Variants in PTPRM observed in about 807,000 individuals in gnomAD.
The protein encoded by PTPRM is receptor-type tyrosine-protein phosphatase mu.
Under a neutral mutation model 186.7 loss-of-function variants are expected in PTPRM, and 47 were observed. That is an observed-to-expected ratio of 0.25 (90% CI 0.20 to 0.32). The LOEUF (loss-of-function observed/expected upper bound fraction) is 0.32. PTPRM is among the 10% of genes least tolerant of loss of function. PTPRM has a pLI of 1.00. For missense variants in PTPRM, 1,494 were observed against 1,865.0 expected, an observed-to-expected ratio of 0.80 and a Z score of 3.66; for synonymous variants, 668 against 674.9, an observed-to-expected ratio of 0.99 and a Z score of 0.16.
chr18:8,259,901 C>T (rs2094610910), intron 19 of PTPRM, among the ~76,000 whole-genome samples: 1 of 152,136 alleles, frequency 6.6e-6, no homozygotes, highest in Non-Finnish European at 1.5e-5. Context: ...CTTGGCCTCC[C>T]AAAGTGTTGG....
intron 14 of PTPRM, among the ~76,000 whole-genome samples, chr18:8,219,096 C>T (rs2094123512): frequency 6.6e-6 from 1 of 152,214 alleles, no homozygotes; most frequent in African/African-American, 2.4e-5. Context: ...AAGTTCTAAT[C>T]TCCTGATGCT....
At chr18:8,182,570 T>C (rs1028562261) in intron 14 of PTPRM, among the ~76,000 whole-genome samples, 6 of 152,234 alleles carry the variant, frequency 3.9e-5, no homozygotes, top group Non-Finnish European at 8.8e-5. Context: ...TTTTCAGATA[T>C]ATAGATGTCT....
rs900013141 is a variant in PTPRM, at chr18:7,714,060, G to C, written c.74-60089G>C. ...ACAGAACTGTCCCCCCAAATCAACA[G>C]AATACACATTCTTCTCAGCACCACG... On this transcript the variant is annotated intron_variant, in intron 1 of 32. Transcript: ENST00000580170. Among the ~76,000 whole-genome samples, 67 of 152,268 alleles carry C rather than the reference G, an allele frequency of 4.4e-4. 1 individual carries two copies. Among genetic ancestry groups the C allele is most frequent in the African/African-American group, 1.5e-3 (64 of 41,554 alleles).
chr18:8,067,131 A>G (rs1456012114), intron 7 of PTPRM, among the ~76,000 whole-genome samples: 1 of 152,234 alleles, frequency 6.6e-6, no homozygotes, highest in African/African-American at 2.4e-5. Flanking sequence ...TAGTCATTTT[A>G]TTAGTCAGTA....
chr18:8,034,247 G>A (rs1033682082), intron 7 of PTPRM, among the ~76,000 whole-genome samples: 10 of 151,832 alleles, frequency 6.6e-5, no homozygotes, highest in African/African-American at 2.4e-4. Flanking sequence ...CCAAAACATG[G>A]TCCTCCAGCC....
At position 8,379,350 on chromosome 18, in the gene PTPRM, C is replaced by T. The variant is rs940524156; in HGVS notation, c.3786+10C>T. ...TGCTGCCCTCATGGACGTGAGTGCC[C>T]CGCTTCCCGCACGGGTCCGAGGCTG... On this transcript the variant is annotated intron_variant, in intron 28 of 32. Coordinates refer to ENST00000580170, the MANE Select transcript of PTPRM (RefSeq NM_001105244.2). 6.3e-7 allele frequency: 1 copy of T among 1,598,788 alleles called. No individual in the cohort carries two copies. The highest frequency in any genetic ancestry group is 1.3e-5 in the African/African-American group (1 of 74,678).
At chr18:7,750,614 A>C (rs1453244505) in intron 1 of PTPRM, among the ~76,000 whole-genome samples, 1 of 152,216 alleles carries the variant, frequency 6.6e-6, no homozygotes, top group Middle Eastern at 3.4e-3. Flanking sequence ...TACCTCTCTC[A>C]TGCCATGCCC....
chr18:7,698,928 G>T (rs2039899090), intron 1 of PTPRM, among the ~76,000 whole-genome samples: 1 of 152,084 alleles, frequency 6.6e-6, no homozygotes, highest in African/African-American at 2.4e-5. Context: ...TCATTGAATA[G>T]CCTATCCTTT....
rs749280061 is a variant in PTPRM, at chr18:8,406,188, C to T, written c.*26C>T. ...TGGTGTAAACAGCTCTGCAAACAAT[C>T]CCTTTCATACCACAAAGCCAAGACG... is the stretch of plus-strand genomic sequence containing the variant. On this transcript the variant is annotated 3_prime_UTR_variant, in exon 33 of 33. Transcript: ENST00000580170. 132 of 1,602,432 alleles carry T rather than the reference C, an allele frequency of 8.2e-5. No individual in the cohort carries two copies. The highest frequency in any genetic ancestry group is 1.1e-4 in the Non-Finnish European group (127 of 1,170,692).
At chr18:8,164,922 T>G (rs578001138) in intron 14 of PTPRM, among the ~76,000 whole-genome samples, 1 of 152,158 alleles carries the variant, frequency 6.6e-6, no homozygotes, top group Non-Finnish European at 1.5e-5. Flanking sequence ...CCCAGCACTT[T>G]GGGAGGCCAA....
intron 14 of PTPRM, among the ~76,000 whole-genome samples, chr18:8,145,017 G>A (rs995932410): frequency 2.6e-5 from 4 of 152,178 alleles, no homozygotes; most frequent in Non-Finnish European, 5.9e-5. Flanking sequence ...TGGCCTTTGA[G>A]TAGGTGGTAA....
chr18:7,750,639 C>G (rs879766745), intron 1 of PTPRM, among the ~76,000 whole-genome samples: 1 of 152,176 alleles, frequency 6.6e-6, no homozygotes, highest in Non-Finnish European at 1.5e-5. Context: ...CTTATCCTCC[C>G]CACCTGTTGG....
At chr18:8,291,158 T>C (rs2147841148) in intron 19 of PTPRM, among the ~76,000 whole-genome samples, 1 of 152,294 alleles carries the variant, frequency 6.6e-6, no homozygotes, top group Non-Finnish European at 1.5e-5. Flanking sequence ...TCATTGGGCC[T>C]CTTGTTCAAA....
At chr18:8,351,358 C>T (rs1435419083) in intron 23 of PTPRM, among the ~76,000 whole-genome samples, 1 of 152,188 alleles carries the variant, frequency 6.6e-6, no homozygotes, top group East Asian at 1.9e-4. Context: ...GCCCCAGATT[C>T]GTCATCTGTT....
At chr18:8,221,381 G>A (rs1479407771) in intron 14 of PTPRM, among the ~76,000 whole-genome samples, 1 of 152,054 alleles carries the variant, frequency 6.6e-6, no homozygotes, top group Admixed American at 6.5e-5. Context: ...AGCTCACAGG[G>A]GATGCTTATG....
intron 1 of PTPRM, among the ~76,000 whole-genome samples, chr18:7,601,952 A>G (rs1266322327): frequency 6.6e-6 from 1 of 152,178 alleles, no homozygotes; most frequent in East Asian, 1.9e-4. Context: ...AACAGTATAT[A>G]GTTCCTTGAG....
At chr18:8,224,582 G>A (rs2094191240) in intron 14 of PTPRM, among the ~76,000 whole-genome samples, 1 of 152,004 alleles carries the variant, frequency 6.6e-6, no homozygotes, top group African/African-American at 2.4e-5. Context: ...AATGTATTGG[G>A]GAAAAAAATG....
At chr18:7,926,514 A>C in intron 4 of PTPRM, 54 bp from the exon 5 acceptor site, 1 of 1,386,960 alleles carries the variant, frequency 7.2e-7, no homozygotes, top group Non-Finnish European at 9.9e-7. Flanking sequence ...AAGAAGACAT[A>C]TATTAGTTAC....
intron 24 of PTPRM, among the ~76,000 whole-genome samples, chr18:8,372,998 G>A (rs2095672966): frequency 6.6e-6 from 1 of 152,032 alleles, no homozygotes; most frequent in Non-Finnish European, 1.5e-5. Context: ...GCACAGAAAT[G>A]TGTCTGAAAT....
Sources: gnomAD v4.1 joint callset for allele counts (sites outside exome capture counted in the v4.1 genomes callset) on GRCh38, gnomAD v4.1.1 for gene constraint, MANE v1.5 for transcripts, NCBI Gene and HGNC (gene_info 2026-07-23, HGNC 2026-07-21) for gene names.